NPAS2: variants seen among roughly 807,000 people sequenced by gnomAD.
The protein encoded by NPAS2 is neuronal PAS domain protein 2.
Under a neutral mutation model 107.5 loss-of-function variants are expected in NPAS2, and 23 were observed. That is an observed-to-expected ratio of 0.21 (90% CI 0.15 to 0.30). The LOEUF (loss-of-function observed/expected upper bound fraction) is 0.30. Ranked by LOEUF, NPAS2 falls within the 10% of genes least tolerant of loss-of-function variation. The pLI, the probability that NPAS2 is intolerant of heterozygous loss-of-function variation, is 1.00. For missense variants in NPAS2, 756 were observed against 1,043.3 expected (o/e 0.72, Z 3.79); for synonymous variants, 403 against 417.5 (o/e 0.97, Z 0.42).
chr2:100,914,974 C>T (rs1682781081), intron 2 of NPAS2, among the ~76,000 whole-genome samples: 1 of 152,184 alleles, frequency 6.6e-6, no homozygotes. Flanking sequence ...AGCCCCACAC[C>T]CAGAAGTGGG....
At chr2:100,981,468 G>A (rs1039949641) in intron 15 of NPAS2, among the ~76,000 whole-genome samples, 1 of 152,134 alleles carries the variant, frequency 6.6e-6, no homozygotes, top group Non-Finnish European at 1.5e-5. Context: ...GAGGGAGACG[G>A]GACAGGAGGC....
Position 100,968,122 on chromosome 2 carries a change from G to A in NPAS2, c.908-159G>A, listed in dbSNP as rs541254708. 7.9e-5 allele frequency among the ~76,000 whole-genome samples: 12 copies of A among 152,288 alleles called. No individual in the cohort carries two copies. Among genetic ancestry groups the A allele is most frequent in the African/African-American group, 2.2e-4 (9 of 41,556 alleles). ...GTTTAAGAATTCACGACAGTGTACC[G>A]TGATCCTGACAGTCACTTAAAATAC... On this transcript the variant is annotated intron_variant, in intron 10 of 20. Coordinates refer to ENST00000335681, the MANE Select transcript of NPAS2 (RefSeq NM_002518.4). The surrounding 1 kb of genome is among the most constrained non-coding windows in gnomAD (Gnocchi z 5.3).
rs1010806985 is a variant in NPAS2, at chr2:100,841,365, C to T, written c.-23+20951C>T. ...AGGCAGGAGAATTGCTTGATGAACC[C>T]GGGGGGTGGAGGTTGCAGTGAGCCG... On this transcript the variant is annotated intron_variant, in intron 1 of 20. Coordinates refer to ENST00000335681, the MANE Select transcript of NPAS2 (RefSeq NM_002518.4). 3.9e-5 allele frequency among the ~76,000 whole-genome samples: 6 copies of T among 152,062 alleles called. No individual in the cohort carries two copies. The South Asian group carries it at 6.2e-4, about 16-fold the overall frequency.
Position 100,970,828 on chromosome 2 carries a change from T to G in NPAS2, c.1056-162T>G, listed in dbSNP as rs572172912. The G allele has an allele frequency of 2.0e-4, 110 of 545,796 alleles. No individual in the cohort carries two copies. The East Asian group carries it at 3.4e-3, about 17-fold the overall frequency. The allele number at this position is 545,796 out of a possible 1,614,324, so 33.8% of individuals were successfully genotyped here. Reference sequence around the variant, plus strand: ...TCGAATTTAAGGCAGAGAACGACGCTCATTCCTTCCAACAAGTCACAGGCT... The same window carrying G: ...TCGAATTTAAGGCAGAGAACGACGCGCATTCCTTCCAACAAGTCACAGGCT... On this transcript the variant is annotated intron_variant, in intron 11 of 20. Coordinates refer to ENST00000335681, the MANE Select transcript of NPAS2 (RefSeq NM_002518.4).
intron 19 of NPAS2, among the ~76,000 whole-genome samples, chr2:100,992,157 T>TA (rs547518235): frequency 7.2e-4 from 109 of 152,392 alleles, no homozygotes; most frequent in African/African-American, 2.6e-3. Context: ...CTCATGCCTG[T>TA]AATCCCAACA....
chr2:100,996,524 A>T lies in NPAS2; in HGVS notation c.*942A>T, dbSNP rs1365632982. The T allele has an allele frequency of 6.6e-6, 1 of 152,598 alleles. No individual in the cohort carries two copies. The highest frequency in any genetic ancestry group is 6.5e-5 in the Admixed American group (1 of 15,280). 9.5% of individuals were successfully genotyped at this position (152,598 alleles called of 1,614,324 possible). On this transcript the variant is annotated 3_prime_UTR_variant, in exon 21 of 21. Transcript: ENST00000335681. ...GTGAGAATGCTGCATCTTTCTACAT[A>T]TCTTCATGAGAATACTGAGAATTGG...
chr2:100,971,446 T>G (rs113666937), intron 12 of NPAS2, among the ~76,000 whole-genome samples: 1 of 150,134 alleles, frequency 6.7e-6, no homozygotes, highest in Non-Finnish European at 1.5e-5. Context: ...ACTGGGGGAG[T>G]TCCTCCCTCC....
chr2:100,937,921 G>A, intron 5 of NPAS2, 79 bp downstream of exon 5: 1 of 1,129,256 alleles, frequency 8.9e-7, no homozygotes, highest in Non-Finnish European at 1.4e-6. Context: ...CAGATGGAAG[G>A]TGGTGCAGGT....
At chr2:100,949,316 T>C (rs1675085990) in intron 6 of NPAS2, 51 bp from the exon 7 acceptor site, 2 of 1,013,208 alleles carry the variant, frequency 2.0e-6, no homozygotes, top group Admixed American at 3.4e-5. Flanking sequence ...GTTTAGAGTC[T>C]GTGCAATGCT....
At chr2:100,955,919 T>TTTGTTTG (rs1558908619) in intron 7 of NPAS2, among the ~76,000 whole-genome samples, 1 of 151,750 alleles carries the variant, frequency 6.6e-6, no homozygotes, top group African/African-American at 2.4e-5. Context: ...TTGTTTGTTT[T>TTTGTTTG]TTTGAGACAG....
intron 5 of NPAS2, 117 bp from the exon 6 acceptor site, chr2:100,948,118 T>C (rs186560046): frequency 2.6e-6 from 3 of 1,152,204 alleles, no homozygotes; most frequent in African/African-American, 1.6e-5. Context: ...AAATCAGATA[T>C]TGAACTTTCC....
intron 1 of NPAS2, among the ~76,000 whole-genome samples, chr2:100,889,418 G>A (rs924103113): frequency 1.4e-4 from 22 of 152,234 alleles, no homozygotes; most frequent in Admixed American, 1.2e-3. Context: ...AGCACAGGCA[G>A]AGACATGCCC....
intron 7 of NPAS2, among the ~76,000 whole-genome samples, chr2:100,953,113 C>T (rs1226649828): frequency 5.2e-5 from 7 of 134,638 alleles, no homozygotes; most frequent in African/African-American, 2.0e-4. Flanking sequence ...CAGTGGCTCA[C>T]ACCTGTAATC....
intron 5 of NPAS2, among the ~76,000 whole-genome samples, chr2:100,944,334 C>T (rs1674758955): frequency 6.6e-6 from 1 of 152,292 alleles, no homozygotes; most frequent in Non-Finnish European, 1.5e-5. Context: ...ACTTCCAGCT[C>T]AGCCTCAGTG....
chr2:100,935,668 T>G (rs977571537), intron 4 of NPAS2, among the ~76,000 whole-genome samples: 7 of 152,220 alleles, frequency 4.6e-5, no homozygotes, highest in Non-Finnish European at 8.8e-5. Context: ...GCAAGACGAT[T>G]TGCACTGCCC....
At chr2:100,956,373 G>T (rs1287219132) in intron 7 of NPAS2, among the ~76,000 whole-genome samples, 1 of 151,978 alleles carries the variant, frequency 6.6e-6, no homozygotes, top group African/African-American at 2.4e-5. Flanking sequence ...CCTCCCTCCA[G>T]CCTCCAGCAG....
intron 1 of NPAS2, chr2:100,878,469 C>G (rs1422118894): frequency 1.0e-6 from 1 of 985,260 alleles, no homozygotes; most frequent in Admixed American, 6.1e-5. Flanking sequence ...GAGAATAGCT[C>G]CCTCTGTGAC....
chr2:100,904,649 C>A, intron 1 of NPAS2, 84 bp from the exon 2 acceptor site: 1 of 1,047,860 alleles, frequency 9.5e-7, no homozygotes, highest in Non-Finnish European at 1.4e-6. Context: ...ACCAAAATGA[C>A]AACAACCTGA....
intron 5 of NPAS2, among the ~76,000 whole-genome samples, chr2:100,938,235 G>T (rs563941628): frequency 6.6e-6 from 1 of 152,314 alleles, no homozygotes; most frequent in African/African-American, 2.4e-5. Context: ...AGATGGCTTG[G>T]GTTGAAACAC....
Sources: gnomAD v4.1 joint callset for allele counts (sites outside exome capture counted in the v4.1 genomes callset) on GRCh38, gnomAD v4.1.1 for gene constraint, Gnocchi (gnomAD v3.1) non-coding constraint, MANE v1.5 for transcripts, NCBI Gene and HGNC (gene_info 2026-07-23, HGNC 2026-07-21) for gene names.